PRKCQ: variants seen among roughly 807,000 people sequenced by gnomAD.
PRKCQ encodes protein kinase C theta.
In PRKCQ, 41 loss-of-function variants were observed where a neutral mutation model predicts 91.2. The observed-to-expected ratio is 0.45, with a 90% CI of 0.35 to 0.58. PRKCQ has a LOEUF of 0.58. Ranked by LOEUF, PRKCQ falls within the 20% of genes least tolerant of loss-of-function variation. The pLI, the probability that PRKCQ is intolerant of heterozygous loss-of-function variation, is 0.00. For synonymous variants in PRKCQ, 307 were observed against 316.9 expected, an observed-to-expected ratio of 0.97 and a Z score of 0.33; for missense variants, 673 against 896.5, an observed-to-expected ratio of 0.75 and a Z score of 3.18.
At chr10:6,508,445 T>C (rs897805564) in intron 3 of PRKCQ, among the ~76,000 whole-genome samples, 4 of 152,250 alleles carry the variant, frequency 2.6e-5, no homozygotes, top group Non-Finnish European at 5.9e-5. Context: ...TGTGACCTTG[T>C]GCAAGTCACT....
intron 15 of PRKCQ, among the ~76,000 whole-genome samples, chr10:6,452,424 G>T (rs1834745478): frequency 6.6e-6 from 1 of 152,022 alleles, no homozygotes; most frequent in Non-Finnish European, 1.5e-5. Flanking sequence ...TATAAAAGAG[G>T]ATACAAACCA....
intron 1 of PRKCQ, among the ~76,000 whole-genome samples, chr10:6,560,980 A>G (rs953709556): frequency 6.6e-6 from 1 of 151,132 alleles, no homozygotes; most frequent in Non-Finnish European, 1.5e-5. Context: ...TGGAGTTTGC[A>G]GTGAGCCGAG....
At chr10:6,435,867 C>T (rs758846723) in intron 16 of PRKCQ, among the ~76,000 whole-genome samples, 9 of 152,180 alleles carry the variant, frequency 5.9e-5, no homozygotes, top group Non-Finnish European at 1.2e-4. Flanking sequence ...AATCCCAGCA[C>T]ATTGGGAGGC....
intron 11 of PRKCQ, among the ~76,000 whole-genome samples, chr10:6,479,797 C>CAAAA (rs1330272019): frequency 1.6e-4 from 20 of 121,414 alleles, no homozygotes; most frequent in African/African-American, 4.1e-4. Context: ...AAAAAAAAAT[C>CAAAA]CAAAAATTAG....
chr10:6,508,240 G>T (rs1838297671), intron 3 of PRKCQ, among the ~76,000 whole-genome samples: 1 of 152,182 alleles, frequency 6.6e-6, no homozygotes, highest in Non-Finnish European at 1.5e-5. Flanking sequence ...GCTGAGCGCT[G>T]TTGTTAATCT....
In PRKCQ at chr10:6,428,013, C is replaced by A. The variant is rs1290877472; in HGVS notation, c.*194G>T. On this transcript the variant is annotated 3_prime_UTR_variant, in exon 18 of 18. Coordinates refer to ENST00000263125, the MANE Select transcript of PRKCQ (RefSeq NM_006257.5). The stretch of plus-strand genomic sequence containing the variant: ...CTGTGAGACATGTCAGGAGACGAGA[C>A]ACACGGCATCGTCATTAGTGAAGTA... 5 of 641,772 alleles carry A rather than the reference C, an allele frequency of 7.8e-6. No individual in the cohort carries two copies. In the East Asian group the frequency reaches 8.6e-5, roughly 11 times the overall value. The allele number at this position is 641,772 out of a possible 1,614,324, so 39.8% of individuals were successfully genotyped here.
At chr10:6,556,258 A>G (rs1840409451) in intron 1 of PRKCQ, among the ~76,000 whole-genome samples, 1 of 151,912 alleles carries the variant, frequency 6.6e-6, no homozygotes, top group Non-Finnish European at 1.5e-5. Flanking sequence ...AGCAAAACTC[A>G]CATCTCTACA....
chr10:6,472,870 G>A (rs945564849), intron 12 of PRKCQ, among the ~76,000 whole-genome samples: 6 of 151,946 alleles, frequency 3.9e-5, no homozygotes, highest in South Asian at 2.1e-4. Flanking sequence ...CCACCACCCC[G>A]CCTGGCTAAT....
intron 1 of PRKCQ, 89 bp from the exon 2 acceptor site, chr10:6,515,233 A>G (rs1838700360): frequency 1.3e-6 from 2 of 1,585,010 alleles, no homozygotes; most frequent in Middle Eastern, 1.7e-4. Context: ...GTGCTTTATC[A>G]TGGACAGCCA....
intron 16 of PRKCQ, among the ~76,000 whole-genome samples, chr10:6,433,995 C>G (rs1051618921): frequency 7.0e-5 from 10 of 142,232 alleles, no homozygotes; most frequent in Non-Finnish European, 1.5e-4. Flanking sequence ...CGCACCACCA[C>G]TGCACTCCAG....
intron 1 of PRKCQ, among the ~76,000 whole-genome samples, chr10:6,523,876 T>G (rs553084484): frequency 6.6e-6 from 1 of 152,322 alleles, no homozygotes; most frequent in South Asian, 2.1e-4. Flanking sequence ...TGAGTTCAAG[T>G]TGCCCCCTTC....
At chr10:6,562,210 G>A (rs1564395101) in intron 1 of PRKCQ, among the ~76,000 whole-genome samples, 1 of 151,994 alleles carries the variant, frequency 6.6e-6, no homozygotes, top group Non-Finnish European at 1.5e-5. Context: ...TCTCCTGCAG[G>A]GCAGCCTCAT....
At chr10:6,425,334 C>T (rs1833091009), downstream of PRKCQ, among the ~76,000 whole-genome samples, 1 of 151,712 alleles carries the variant, frequency 6.6e-6, no homozygotes, top group Non-Finnish European at 1.5e-5. Flanking sequence ...AAGCGATTCT[C>T]CTGCCTCAGC....
At chr10:6,522,816 G>A (rs1307347363) in intron 1 of PRKCQ, among the ~76,000 whole-genome samples, 1 of 152,034 alleles carries the variant, frequency 6.6e-6, no homozygotes, top group Admixed American at 6.6e-5. Flanking sequence ...AGTAAATCTG[G>A]GAATGAGAAA....
At chr10:6,484,724 T>C (rs1300115743) in intron 10 of PRKCQ, among the ~76,000 whole-genome samples, 1 of 152,198 alleles carries the variant, frequency 6.6e-6, no homozygotes, top group East Asian at 1.9e-4. Flanking sequence ...TTTCAAACAG[T>C]AGGCTGGAAA....
At chr10:6,463,590 C>A (rs1326153459) in intron 13 of PRKCQ, among the ~76,000 whole-genome samples, 1 of 152,176 alleles carries the variant, frequency 6.6e-6, no homozygotes, top group Non-Finnish European at 1.5e-5. Context: ...CGGACCAAAT[C>A]CATTTCTCAA....
intron 16 of PRKCQ, among the ~76,000 whole-genome samples, chr10:6,431,331 C>T (rs553449154): frequency 1.4e-4 from 22 of 152,302 alleles, no homozygotes; most frequent in Non-Finnish European, 2.1e-4. Flanking sequence ...CAGGCACACA[C>T]GTGCACACAG....
downstream of PRKCQ, among the ~76,000 whole-genome samples, chr10:6,426,646 T>C (rs896385037): frequency 2.6e-5 from 4 of 152,186 alleles, no homozygotes; most frequent in African/African-American, 9.6e-5. Flanking sequence ...GAGCTCCGTA[T>C]AGTCAGGAAA....
At chr10:6,481,398 G>A (rs1836591382) in intron 11 of PRKCQ, among the ~76,000 whole-genome samples, 1 of 152,202 alleles carries the variant, frequency 6.6e-6, no homozygotes, top group Non-Finnish European at 1.5e-5. Flanking sequence ...TCTATATAAT[G>A]TGCTTTCAAT....
Sources: gnomAD v4.1 joint callset for allele counts (sites outside exome capture counted in the v4.1 genomes callset) on GRCh38, gnomAD v4.1.1 for gene constraint, MANE v1.5 for transcripts, NCBI Gene and HGNC (gene_info 2026-07-23, HGNC 2026-07-21) for gene names.